The following RIT2 variants were observed in gnomAD, a reference collection of about 807,000 sequenced individuals.
The protein encoded by RIT2 is GTP-binding protein Rit2.
In RIT2, 24 loss-of-function variants were observed where a neutral mutation model predicts 23.7. The observed-to-expected ratio is 1.01, with a 90% confidence interval of 0.73 to 1.43. The LOEUF (loss-of-function observed/expected upper bound fraction) is 1.43. RIT2 is among the 40% of genes most tolerant of loss of function. The probability of loss-of-function intolerance (pLI) is 0.00; values close to 1 mark genes in which losing one functional copy is unlikely to be tolerated. For missense variants in RIT2, 236 were observed against 266.9 expected (o/e 0.88, Z 0.81); for synonymous variants, 107 against 91.1 (o/e 1.17, Z -0.99).
At position 43,087,727 on chromosome 18, in the gene RIT2, G is replaced by A. The variant is rs369966464; in HGVS notation, c.103+27690C>T. 9.3e-4 allele frequency among the ~76,000 whole-genome samples: 141 copies of A among 152,196 alleles called. 1 individual carries two copies. The highest frequency in any genetic ancestry group is 3.4e-3 in the Middle Eastern group (1 of 294). Reference sequence around the variant, plus strand: ...TTGTGTAACTGCTCGAATAGTACAAGAATAGTCATAAGTTTATTGAACAAT... The same window carrying A: ...TTGTGTAACTGCTCGAATAGTACAAAAATAGTCATAAGTTTATTGAACAAT... On this transcript the variant is annotated intron_variant, in intron 1 of 4. Transcript: ENST00000326695.
chr18:42,949,103 T>C, intron 3 of RIT2: 1 of 397,296 alleles, frequency 2.5e-6, no homozygotes, highest in Non-Finnish European at 4.4e-6. Flanking sequence ...CTTGGAGCTC[T>C]AATTAGATGC....
At chr18:42,956,858 C>T (rs1909982232) in intron 3 of RIT2, among the ~76,000 whole-genome samples, 2 of 152,036 alleles carry the variant, frequency 1.3e-5, no homozygotes, top group East Asian at 1.9e-4. Flanking sequence ...ATCCTGGCGT[C>T]CCGGAAGGCT....
chr18:43,108,916 G>C (rs1407113448), intron 1 of RIT2, among the ~76,000 whole-genome samples: 1 of 152,168 alleles, frequency 6.6e-6, no homozygotes, highest in Non-Finnish European at 1.5e-5. Flanking sequence ...ACAGTCCACA[G>C]GGTTAGGATA....
chr18:42,899,579 T>A (rs1246784602), intron 4 of RIT2, among the ~76,000 whole-genome samples: 10 of 151,978 alleles, frequency 6.6e-5, no homozygotes, highest in Admixed American at 6.6e-4. Flanking sequence ...ATGAGAGCTA[T>A]AGTGATTACC....
At chr18:42,823,906 T>C (rs1199251468) in intron 4 of RIT2, among the ~76,000 whole-genome samples, 1 of 152,130 alleles carries the variant, frequency 6.6e-6, no homozygotes, top group African/African-American at 2.4e-5. Flanking sequence ...GTGGGGAAGT[T>C]GTTTGAACAA....
intron 4 of RIT2, among the ~76,000 whole-genome samples, chr18:42,901,598 T>G (rs988533046): frequency 1.1e-4 from 16 of 152,040 alleles, no homozygotes; most frequent in African/African-American, 3.9e-4. Context: ...ATATGATATT[T>G]TGATATTGTA....
At chr18:43,100,696 G>A (rs1390343499) in intron 1 of RIT2, among the ~76,000 whole-genome samples, 1 of 152,118 alleles carries the variant, frequency 6.6e-6, no homozygotes, top group African/African-American at 2.4e-5. Flanking sequence ...ACTGGATGTG[G>A]AAGTATGAAG....
chr18:42,827,187 C>T (rs1336280734), intron 4 of RIT2, among the ~76,000 whole-genome samples: 1 of 152,124 alleles, frequency 6.6e-6, no homozygotes, highest in East Asian at 1.9e-4. Flanking sequence ...GGTTTAGATG[C>T]TGACCAGCAT....
chr18:43,083,116 A>T lies in RIT2; in HGVS notation c.103+32301T>A, dbSNP rs549404208. On this transcript the variant is annotated intron_variant, in intron 1 of 4. Transcript: ENST00000326695. ...CAAACAGAGAGTCAAATCATGAGAG[A>T]ACTCCCATTCACCATTGCTACAAAG... Among the ~76,000 whole-genome samples the T allele has an allele frequency of 5.9e-5, 9 of 152,294 alleles. No homozygotes were observed. In the East Asian group the frequency reaches 9.7e-4, roughly 16 times the overall value.
At chr18:43,089,840 T>A (rs1913378719) in intron 1 of RIT2, among the ~76,000 whole-genome samples, 2 of 152,100 alleles carry the variant, frequency 1.3e-5, no homozygotes, top group Non-Finnish European at 1.5e-5. Flanking sequence ...TTCAGCCACA[T>A]GCAGAAGGCT....
intron 2 of RIT2, among the ~76,000 whole-genome samples, chr18:42,990,181 T>A (rs1469820934): frequency 6.6e-6 from 1 of 152,050 alleles, no homozygotes; most frequent in Admixed American, 6.6e-5. Context: ...TCAAGAGGAC[T>A]AATGGTGTAA....
chr18:42,969,271 GA>G (rs1314328549), intron 3 of RIT2, among the ~76,000 whole-genome samples: 1 of 151,992 alleles, frequency 6.6e-6, no homozygotes, highest in East Asian at 1.9e-4. Context: ...ACCATTTATA[GA>G]ATAATAGGAT....
intron 1 of RIT2, among the ~76,000 whole-genome samples, chr18:43,053,543 T>A (rs941940791): frequency 1.3e-5 from 2 of 152,066 alleles, no homozygotes; most frequent in African/African-American, 4.8e-5. Context: ...AGGAACTAGA[T>A]AAATATTTTT....
At chr18:42,833,022 C>G (rs1449714661) in intron 4 of RIT2, among the ~76,000 whole-genome samples, 1 of 146,596 alleles carries the variant, frequency 6.8e-6, no homozygotes, top group Admixed American at 6.8e-5. Context: ...CCACTGCACT[C>G]CAGCCTGGGT....
chr18:42,917,517 A>G (rs556463016), intron 4 of RIT2, among the ~76,000 whole-genome samples: 4 of 152,206 alleles, frequency 2.6e-5, no homozygotes, highest in African/African-American at 9.6e-5. Context: ...CTTTCACTCA[A>G]GCTACCATCA....
chr18:42,985,672 G>T (rs1910692651), intron 2 of RIT2, among the ~76,000 whole-genome samples: 1 of 151,986 alleles, frequency 6.6e-6, no homozygotes, highest in Non-Finnish European at 1.5e-5. Context: ...CATAAATATT[G>T]TAATTTATAT....
At chr18:42,780,764 G>GT (rs1913792027) in intron 4 of RIT2, among the ~76,000 whole-genome samples, 1 of 151,168 alleles carries the variant, frequency 6.6e-6, no homozygotes, top group African/African-American at 2.4e-5. Flanking sequence ...AGGGAGGAAA[G>GT]TGTAATGCGC....
At chr18:42,937,380 T>C (rs1459696159) in intron 3 of RIT2, among the ~76,000 whole-genome samples, 1 of 152,196 alleles carries the variant, frequency 6.6e-6, no homozygotes, top group East Asian at 1.9e-4. Flanking sequence ...CCTGCTTCTA[T>C]GCAGTGCCCA....
intron 4 of RIT2, among the ~76,000 whole-genome samples, chr18:42,755,889 C>G (rs1027659903): frequency 6.6e-6 from 1 of 152,088 alleles, no homozygotes; most frequent in Non-Finnish European, 1.5e-5. Context: ...CCAGCCCTGT[C>G]TTAGTGGTTC....
Sources: allele counts gnomAD v4.1 joint callset (sites outside exome capture counted in the v4.1 genomes callset), GRCh38; gene constraint gnomAD v4.1.1; transcripts MANE v1.5; gene names NCBI Gene and HGNC (gene_info 2026-07-23, HGNC 2026-07-21).